Variants in ODF2L observed in about 807,000 individuals in gnomAD.
The protein encoded by ODF2L is protein BCAP.
ODF2L carries 76 observed loss-of-function variants against 86.3 expected under a neutral mutation model. The ratio of observed to expected loss-of-function variants is 0.88; its 90% confidence interval spans 0.73 to 1.07. The LOEUF (loss-of-function observed/expected upper bound fraction) is 1.07. ODF2L is among the 50% of genes least tolerant of loss of function. The probability of loss-of-function intolerance (pLI) is 0.00; values close to 1 mark genes in which losing one functional copy is unlikely to be tolerated. For synonymous variants in ODF2L, 241 were observed against 231.3 expected (o/e 1.04, Z -0.38); for missense variants, 748 against 717.4 (o/e 1.04, Z -0.49).
chr1:86,384,238 G>A (rs866414193), intron 4 of ODF2L, among the ~76,000 whole-genome samples: 2 of 151,706 alleles, frequency 1.3e-5, no homozygotes, highest in African/African-American at 2.4e-5. Flanking sequence ...TGATAAAAAT[G>A]CTTTAAAATT....
At chr1:86,368,605 A>G in intron 11 of ODF2L, 1 of 1,348,746 alleles carries the variant, frequency 7.4e-7, no homozygotes. Flanking sequence ...TGAGGTATAG[A>G]GAACTAATGG....
rs573721908 is a variant in ODF2L, at chr1:86,372,043, G to T, written c.920+388C>A. Among the ~76,000 whole-genome samples, 230 of 152,014 alleles carry T rather than the reference G, an allele frequency of 1.5e-3. 8 individuals are homozygous for T. Among genetic ancestry groups the T allele is most frequent in the Admixed American group, 0.015 (227 of 15,276 alleles). Reference sequence around the variant, plus strand: ...TCTACTAAAAATACAAAAAAAAACAGCTGGGCTTGGTGGTGCATGCCTGTA... The same window carrying T: ...TCTACTAAAAATACAAAAAAAAACATCTGGGCTTGGTGGTGCATGCCTGTA... On this transcript the variant is annotated intron_variant, in intron 9 of 17. Coordinates refer to ENST00000317336, the Ensembl canonical transcript of ODF2L.
Position 86,354,652 on chromosome 1 carries a change from T to A in ODF2L, c.1645A>T (p.Lys549Ter). 1 of 1,612,298 alleles carries A rather than the reference T, an allele frequency of 6.2e-7. No homozygotes were observed. Among genetic ancestry groups the A allele is most frequent in the Non-Finnish European group, 8.5e-7 (1 of 1,178,978 alleles). ...CATTCTTCTTGGTTTGCCAGCTTCT[T>A]CTCAAGCTCTTTATTTTCTGCGTCC... The change falls in exon 16 of 18, where the codon AAG becomes TAG. Residue 549 changes from lysine to a stop codon, truncating the protein, a stop_gained. Transcript: ENST00000317336. LOFTEE classifies it high-confidence loss of function.
intron 11 of ODF2L, among the ~76,000 whole-genome samples, chr1:86,368,166 T>C (rs1659570132): frequency 6.6e-6 from 1 of 152,202 alleles, no homozygotes; most frequent in Non-Finnish European, 1.5e-5. Flanking sequence ...TCATGAGCCC[T>C]ATCTTGGAAG....
chr1:86,366,660 G>GA (rs1659465828), intron 11 of ODF2L, among the ~76,000 whole-genome samples: 1 of 147,858 alleles, frequency 6.8e-6, no homozygotes, highest in African/African-American at 2.5e-5. Flanking sequence ...AAAAAAAAAT[G>GA]AAAAAATTCT....
At chr1:86,368,025 G>A (rs1335721417) in intron 11 of ODF2L, among the ~76,000 whole-genome samples, 2 of 152,088 alleles carry the variant, frequency 1.3e-5, no homozygotes, top group Non-Finnish European at 2.9e-5. Context: ...AACATCAGCT[G>A]AATACAAAGT....
intron 7 of ODF2L, among the ~76,000 whole-genome samples, chr1:86,379,099 C>T (rs572525504): frequency 6.6e-6 from 1 of 152,268 alleles, no homozygotes; most frequent in South Asian, 2.1e-4. Flanking sequence ...ATGCCTCACT[C>T]CCCACTTGTC....
chr1:86,374,467 G>A (rs1660033024), intron 8 of ODF2L, among the ~76,000 whole-genome samples: 1 of 152,004 alleles, frequency 6.6e-6, no homozygotes, highest in Non-Finnish European at 1.5e-5. Flanking sequence ...CTTTGCTTTA[G>A]AGAAATGGCA....
chr1:86,385,590 G>T lies in ODF2L; in HGVS notation c.114C>A (p.Cys38Ter). ...TTTCATTTAGAATGTCCTGCTTCAG[G>T]CTAATTACAAATGCACATACAAAAT... Residue 38 changes from cysteine to a stop codon, truncating the protein, a stop_gained and splice_region_variant, in exon 3 of 18, where the codon TGC becomes TGA. Coordinates refer to ENST00000317336, the Ensembl canonical transcript of ODF2L. LOFTEE classifies it high-confidence loss of function. 6.2e-7 allele frequency: 1 copy of T among 1,608,110 alleles called. No individual in the cohort carries two copies. The highest frequency in any genetic ancestry group is 8.5e-7 in the Non-Finnish European group (1 of 1,176,618).
intron 11 of ODF2L, among the ~76,000 whole-genome samples, chr1:86,366,570 C>T (rs1389666533): frequency 2.0e-5 from 3 of 147,386 alleles, no homozygotes; most frequent in South Asian, 2.1e-4. Flanking sequence ...CGTGCCACTG[C>T]ACTCCAGCAT....
intron 7 of ODF2L, among the ~76,000 whole-genome samples, chr1:86,377,683 A>C (rs982285731): frequency 3.9e-5 from 6 of 152,190 alleles, no homozygotes; most frequent in Non-Finnish European, 7.3e-5. Context: ...TGGGGCATCC[A>C]CCCTCTGAAG....
At chr1:86,372,582 A>AT (rs1659874001) in intron 8 of ODF2L, 42 bp from the exon 9 acceptor site, 1 of 1,130,578 alleles carries the variant, frequency 8.8e-7, no homozygotes, top group African/African-American at 1.6e-5. Flanking sequence ...ATTTTAAAAC[A>AT]TTTTTGTTTT....
At chr1:86,346,864 A>C (rs898223439), downstream of ODF2L, 1 of 152,218 alleles carries the variant, frequency 6.6e-6, no homozygotes, top group Non-Finnish European at 1.5e-5. Flanking sequence ...TACTATCTTT[A>C]TTTATGAAAT....
chr1:86,359,241 TAAAA>T (rs57483150), intron 12 of ODF2L, among the ~76,000 whole-genome samples: 2 of 145,134 alleles, frequency 1.4e-5, no homozygotes, highest in African/African-American at 2.5e-5. Flanking sequence ...CAAAATCTGC[TAAAA>T]AAAAAAAAAA....
At chr1:86,361,666 ATT>A (rs961007318) in intron 11 of ODF2L, among the ~76,000 whole-genome samples, 3 of 152,220 alleles carry the variant, frequency 2.0e-5, no homozygotes, top group African/African-American at 7.2e-5. Context: ...GTCAAATAAC[ATT>A]TGTCATTAGA....
At chr1:86,393,529 T>C (rs1262297255) in intron 1 of ODF2L, among the ~76,000 whole-genome samples, 3 of 152,150 alleles carry the variant, frequency 2.0e-5, no homozygotes, top group African/African-American at 4.8e-5. Context: ...CTCTCTCCAA[T>C]GAAAAAAGAA....
chr1:86,357,792 T>C (rs1364117183), intron 13 of ODF2L: 41 of 983,050 alleles, frequency 4.2e-5, no homozygotes, highest in Admixed American at 6.2e-5. Context: ...TTAGAAAACA[T>C]TGTGACCTCA....
chr1:86,385,335 C>T (rs534845002), intron 3 of ODF2L, 123 bp downstream of exon 3: 88 of 568,352 alleles, frequency 1.5e-4, no homozygotes, highest in African/African-American at 1.4e-3. Flanking sequence ...TTCTGATAAA[C>T]CCTCATTTTT....
intron 1 of ODF2L, among the ~76,000 whole-genome samples, chr1:86,395,540 T>C (rs79323415): frequency 0.014 from 2,081 of 152,220 alleles, 24 homozygotes; most frequent in Non-Finnish European, 0.022. Context: ...AATCCCGCAC[T>C]ACAGGGGTCG....
Sources: gnomAD v4.1 joint callset for allele counts (sites outside exome capture counted in the v4.1 genomes callset) on GRCh38, gnomAD v4.1.1 for gene constraint, MANE v1.5 for transcripts, NCBI Gene and HGNC (gene_info 2026-07-23, HGNC 2026-07-21) for gene names.